IGDCC4: variants seen among roughly 807,000 people sequenced by gnomAD.
The protein encoded by IGDCC4 is likely ortholog of mouse neighbor of Punc E11.
In IGDCC4, 72 loss-of-function variants were observed where a neutral mutation model predicts 116.6. That is an observed-to-expected ratio of 0.62 (90% confidence interval 0.51 to 0.75). IGDCC4 has a LOEUF of 0.75. Among genes scored for constraint, IGDCC4 ranks in the 30% least tolerant of loss-of-function variants. The pLI is 0.00. For synonymous variants in IGDCC4, 709 were observed against 719.9 expected, an observed-to-expected ratio of 0.98 and a Z score of 0.24; for missense variants, 1,501 against 1,662.4, an observed-to-expected ratio of 0.90 and a Z score of 1.69.
At chr15:65,388,687 C>T in intron 15 of IGDCC4, 101 bp from the exon 16 acceptor site, 1 of 1,593,682 alleles carries the variant, frequency 6.3e-7, no homozygotes, top group East Asian at 2.2e-5. Context: ...TCCACTTAGG[C>T]AGCAGCTTCT....
chr15:65,401,588 A>G (rs1011314053), intron 4 of IGDCC4, among the ~76,000 whole-genome samples: 18 of 143,986 alleles, frequency 1.3e-4, no homozygotes, highest in African/African-American at 4.4e-4. Flanking sequence ...CAGGATGGGG[A>G]CGGGGTGGGA....
At chr15:65,414,266 C>T (rs778528968) in intron 1 of IGDCC4, among the ~76,000 whole-genome samples, 5 of 152,202 alleles carry the variant, frequency 3.3e-5, no homozygotes, top group Non-Finnish European at 5.9e-5. Context: ...GGGCTGCTGC[C>T]TTTCTTAATT....
At position 65,385,935 on chromosome 15, in the gene IGDCC4, G is replaced by A; in HGVS notation, c.3076C>T (p.Pro1026Ser). ...HELESLVHPH[P>S]QDWSPPPSDV... ...GAGGGTGGCGGGGACCAGTCCTGGG[G>A]ATGGGGGTGCACAAGGGACTCCAAT... Residue 1026 changes from proline to serine, a missense_variant, in exon 18 of 20, where the codon CCC (proline) becomes TCC (serine). By Grantham distance (74) the Pro-to-Ser change is moderately conservative. Coordinates refer to ENST00000352385, the MANE Select transcript of IGDCC4 (RefSeq NM_020962.3). The A allele has an allele frequency of 6.2e-7, 1 of 1,610,836 alleles. No homozygotes were observed. Among genetic ancestry groups the A allele is most frequent in the Non-Finnish European group, 8.5e-7 (1 of 1,178,896 alleles).
At chr15:65,416,706 T>G (rs1312772459) in intron 1 of IGDCC4, among the ~76,000 whole-genome samples, 1 of 152,124 alleles carries the variant, frequency 6.6e-6, no homozygotes, top group Non-Finnish European at 1.5e-5. Context: ...GCTTTCTGTC[T>G]TGAGGGGGCC....
chr15:65,412,673 C>G (rs1334042790), intron 1 of IGDCC4, among the ~76,000 whole-genome samples: 2 of 152,072 alleles, frequency 1.3e-5, no homozygotes, highest in Non-Finnish European at 2.9e-5. Context: ...CTCCTGTAAT[C>G]CCAACACTTT....
At chr15:65,405,132 G>T (rs1005449073) in intron 3 of IGDCC4, among the ~76,000 whole-genome samples, 5 of 131,374 alleles carry the variant, frequency 3.8e-5, no homozygotes, top group East Asian at 2.3e-4. Context: ...TAGTTAGTGG[G>T]GGGGGGGGAG....
chr15:65,388,809 C>T lies in IGDCC4; in HGVS notation c.2706G>A (p.Gln902=). 2 of 1,613,992 alleles carry T rather than the reference C, an allele frequency of 1.2e-6. No individual in the cohort carries two copies. Among genetic ancestry groups the T allele is most frequent in the Non-Finnish European group, 1.7e-6 (2 of 1,180,016 alleles). The change falls in exon 15 of 20, where the codon CAG becomes CAA. Residue 902 remains glutamine, a splice_region_variant and synonymous_variant. Transcript: ENST00000352385. ...PEHQWTLLTT[Q]GNIFSAEVHG... is the part of the protein sequence containing the mutation. The stretch of plus-strand genomic sequence containing the variant: ...ATGCCCTGGGGCAGGAGCCCTCACC[C>T]TGCGTGGTGAGCAAGGTCCACTGGT...
chr15:65,396,988 G>A lies in IGDCC4; in HGVS notation c.843C>T (p.Asp281=). The part of the protein sequence containing the change: ...PTPFVSWVRQ[D]GKPISTDVIV... ...TGACATCTGTGGAGATGGGCTTCCC[G>A]TCTGGGGAAGGAGAGGGAGACGCGC... The change falls in exon 6 of 20, where the codon GAC becomes GAT. Residue 281 remains aspartate, a splice_region_variant and synonymous_variant. Coordinates refer to ENST00000352385, the MANE Select transcript of IGDCC4 (RefSeq NM_020962.3). 1.9e-6 allele frequency: 3 copies of A among 1,578,522 alleles called. No individual in the cohort carries two copies. Among genetic ancestry groups the A allele is most frequent in the Non-Finnish European group, 2.6e-6 (3 of 1,161,696 alleles).
chr15:65,403,901 G>A (rs569949911), intron 3 of IGDCC4, among the ~76,000 whole-genome samples: 25 of 152,230 alleles, frequency 1.6e-4, no homozygotes, highest in East Asian at 1.9e-4. Flanking sequence ...AGTGGGCTCC[G>A]ACCTAAGGAG....
chr15:65,396,621 C>T (rs920114188), intron 6 of IGDCC4, among the ~76,000 whole-genome samples: 10 of 152,094 alleles, frequency 6.6e-5, no homozygotes, highest in African/African-American at 2.4e-4. Context: ...TCACCCCTCT[C>T]GCTCCATCCC....
intron 12 of IGDCC4, among the ~76,000 whole-genome samples, chr15:65,390,895 G>A (rs1238618068): frequency 6.6e-6 from 1 of 152,210 alleles, no homozygotes; most frequent in Non-Finnish European, 1.5e-5. Flanking sequence ...GCACTTAGTA[G>A]ACACTCAGCG....
In IGDCC4 at chr15:65,383,558, ATGGGC is replaced by A. The variant is rs1223015874; in HGVS notation, c.*446_*450del. 6.5e-6 allele frequency: 1 copy of A among 154,286 alleles called. No individual in the cohort carries two copies. Among genetic ancestry groups the A allele is most frequent in the Admixed American group, 6.5e-5 (1 of 15,340 alleles). 9.6% of individuals were successfully genotyped at this position (154,286 alleles called of 1,614,324 possible). A position where few individuals can be genotyped will look rare whatever the true frequency, so the allele number is the denominator to read the frequency against. Reference sequence around the variant, plus strand: ...GCACCCAACCCAGCCAGACAGGAGAATGGGCTGGGACTGTCTTTGTCAGACAGGCA... The same window carrying A: ...GCACCCAACCCAGCCAGACAGGAGAATGGGACTGTCTTTGTCAGACAGGCA... On this transcript the variant is annotated 3_prime_UTR_variant, in exon 20 of 20. Transcript: ENST00000352385.
Position 65,388,518 on chromosome 15 carries a change from G to T in IGDCC4, c.2776C>A (p.Arg926Ser). The change falls in exon 16 of 20, where the codon CGC becomes AGC. Residue 926 changes from arginine to serine, a missense_variant. Physicochemically the swap from Arg to Ser is moderately radical, Grantham distance 110. This residue lies in a region of IGDCC4 where 235 missense variants were observed against 328.0 expected (regional missense o/e 0.72). Transcript: ENST00000352385. Reference sequence around the variant, plus strand: ...AAAGGCCCAGGTCCCACCTCTGTGCGCGCCCCCATCTTGAAGAAGTACCGA... The same window carrying T: ...AAAGGCCCAGGTCCCACCTCTGTGCTCGCCCCCATCTTGAAGAAGTACCGA... ...DTRYFFKMGARTEVGPGPFSR... is the reference protein window; with the variant it reads ...DTRYFFKMGASTEVGPGPFSR... 1 of 1,614,156 alleles carries T rather than the reference G, an allele frequency of 6.2e-7. No homozygotes were observed. The highest frequency in any genetic ancestry group is 1.1e-5 in the South Asian group (1 of 91,084).
chr15:65,385,731 G>T, intron 18 of IGDCC4, 100 bp downstream of exon 18: 1 of 1,004,512 alleles, frequency 1.0e-6, no homozygotes, highest in Non-Finnish European at 1.6e-6. Flanking sequence ...AGCCGGCTCC[G>T]AAGAGGAGGT....
Position 65,396,870 on chromosome 15 carries a change from C to A in IGDCC4, c.961G>T (p.Asp321Tyr). ...AGCTCAGCGGCTGCAGTGGCGAAGT[C>A]GCGCGTGCGGGGCTTGTTGGCGCGG... Reference protein sequence around the residue: ...VCRANKPRTRDFATAAAELRV... With the variant: ...VCRANKPRTRYFATAAAELRV... Residue 321 changes from aspartate to tyrosine, a missense_variant, in exon 6 of 20, where the codon GAC (aspartate) becomes TAC (tyrosine). By Grantham distance (160) the Asp-to-Tyr change is radical. Around this residue, in one of 3 missense-constraint regions of IGDCC4, gnomAD observed 898 missense variants for 978.9 expected, o/e 0.92. Transcript: ENST00000352385. The A allele has an allele frequency of 1.3e-6, 2 of 1,576,208 alleles. No homozygotes were observed. The highest frequency in any genetic ancestry group is 2.3e-5 in the South Asian group (2 of 86,010).
chr15:65,385,547 C>A, intron 18 of IGDCC4: 1 of 571,450 alleles, frequency 1.7e-6, no homozygotes, highest in South Asian at 2.0e-5. Flanking sequence ...AGAGGTCTCC[C>A]CAGCTCCAGG....
Position 65,402,501 on chromosome 15 carries a change from G to A in IGDCC4, c.564-14C>T. ...AGCACGATGAGCCTTGGGAAGAGGG[G>A]AGCAGGCAACTGTGAGGTGGGCAGG... On this transcript the variant is annotated splice_polypyrimidine_tract_variant and intron_variant, in intron 3 of 19. Transcript: ENST00000352385. The A allele has an allele frequency of 6.4e-7, 1 of 1,563,850 alleles. No individual in the cohort carries two copies.
intron 15 of IGDCC4, 81 bp downstream of exon 15, chr15:65,388,727 A>G (rs751485318): frequency 6.2e-7 from 1 of 1,600,946 alleles, no homozygotes; most frequent in Non-Finnish European, 8.5e-7. Flanking sequence ...CCCTGGAACA[A>G]ACCCCAGCAC....
intron 1 of IGDCC4, among the ~76,000 whole-genome samples, chr15:65,416,353 G>C (rs1029538921): frequency 1.4e-4 from 22 of 151,874 alleles, no homozygotes; most frequent in Non-Finnish European, 4.4e-5. Context: ...TAGCCAGGAT[G>C]GTCTCAATCT....
Sources: allele counts gnomAD v4.1 joint callset (sites outside exome capture counted in the v4.1 genomes callset), GRCh38; gene constraint gnomAD v4.1.1; regional missense constraint gnomAD v4.1.1; transcripts MANE v1.5; gene names NCBI Gene and HGNC (gene_info 2026-07-23, HGNC 2026-07-21).